The following FXYD3 variants were observed in gnomAD, a reference collection of about 807,000 sequenced individuals.
The protein encoded by FXYD3 is FXYD domain containing ion transport regulator 3, also known as FXYD domain-containing ion transport regulator 3.
FXYD3 carries 13 observed loss-of-function variants against 19.2 expected under a neutral mutation model. That is an observed-to-expected ratio of 0.68 (90% CI 0.44 to 1.08). The LOEUF is 1.08. Ranked by LOEUF, FXYD3 falls within the 50% of genes least tolerant of loss-of-function variation. The pLI is 0.00. For missense variants in FXYD3, 101 were observed against 109.4 expected, an observed-to-expected ratio of 0.92 and a Z score of 0.34; for synonymous variants, 48 against 38.9, an observed-to-expected ratio of 1.23 and a Z score of -0.87.
intron 2 of FXYD3, chr19:35,117,004 G>T (rs2064904851): frequency 1.0e-6 from 1 of 985,280 alleles, no homozygotes; most frequent in Admixed American, 6.1e-5. Flanking sequence ...GGAATAGAGG[G>T]GATAGCAGAG....
rs558294811 is a variant in FXYD3 at position 35,121,254 on chromosome 19, C to T, written c.97+9C>T. 5.8e-5 allele frequency: 94 copies of T among 1,613,924 alleles called. No individual in the cohort carries two copies. In the Admixed American group the frequency reaches 1.4e-3, roughly 25 times the overall value. On this transcript the variant is annotated intron_variant, in intron 5 of 8. Transcript: ENST00000604404. ...CAGTCCTTTCTACTATGGTGAGAGC[C>T]CGTGCCCCCTTTCCCCTCCCCACAA...
chr19:35,123,295 T>G lies in FXYD3; in HGVS notation c.234T>G (p.Pro78=). The change falls in exon 8 of 9, where the codon CCT becomes CCG. Residue 78 remains proline, a synonymous_variant. Transcript: ENST00000604404. ...GTCACCATCCAGGGGAGACTCCACC[T>G]CTCATCACCCCAGGTAAGATGGGGC... ...KSGHHPGETP[P]LITPGSAQS 3 of 1,608,258 alleles carry G rather than the reference T, an allele frequency of 1.9e-6. No individual in the cohort carries two copies. The highest frequency in any genetic ancestry group is 2.5e-6 in the Non-Finnish European group (3 of 1,177,218).
chr19:35,117,413 G>A, intron 2 of FXYD3: 1 of 1,417,952 alleles, frequency 7.1e-7, no homozygotes, highest in Non-Finnish European at 9.2e-7. Flanking sequence ...AGAGCATAGG[G>A]CTTTAAGATG....
intron 5 of FXYD3, chr19:35,121,643 C>T (rs2065046591): frequency 1.2e-6 from 1 of 815,766 alleles, no homozygotes; most frequent in Non-Finnish European, 1.7e-6. Context: ...CCACGCTCCT[C>T]ATTCCTTCTG....
chr19:35,123,431 C>A lies in FXYD3; in HGVS notation c.248-10C>A. ...CCACCCTCACAAACGGACCCCATCA[C>A]TTCCCGCAGGCTCAGCCCAAAGCTG... On this transcript the variant is annotated splice_polypyrimidine_tract_variant and intron_variant, in intron 8 of 8. Coordinates refer to ENST00000604404, the MANE Select transcript of FXYD3 (RefSeq NM_005971.4). 3.1e-6 allele frequency: 5 copies of A among 1,614,022 alleles called. No homozygotes were observed. The South Asian group carries it at 5.5e-5, about 18-fold the overall frequency.
chr19:35,123,921 T>G lies in FXYD3; in HGVS notation c.*464T>G, dbSNP rs1418335942. On this transcript the variant is annotated 3_prime_UTR_variant, in exon 9 of 9. Coordinates refer to ENST00000604404, the MANE Select transcript of FXYD3 (RefSeq NM_005971.4). ...CTAACCAGATGGAACACTGGAACATTCCAGTGGACCCTGGACCATTCCAGG... is the reference window on the plus strand; with the variant it reads ...CTAACCAGATGGAACACTGGAACATGCCAGTGGACCCTGGACCATTCCAGG... 1 of 204,114 alleles carries G rather than the reference T, an allele frequency of 4.9e-6. No homozygotes were observed. Among genetic ancestry groups the G allele is most frequent in the African/African-American group, 2.3e-5 (1 of 43,306 alleles). The allele number at this position is 204,114 out of a possible 1,614,324, so 12.6% of individuals were successfully genotyped here.
chr19:35,119,703 C>A lies in FXYD3; in HGVS notation c.40+287C>A, dbSNP rs1600448324. 4 of 495,754 alleles carry A rather than the reference C, an allele frequency of 8.1e-6. No homozygotes were observed. The East Asian group carries it at 1.4e-4, about 18-fold the overall frequency. 30.7% of individuals were successfully genotyped at this position (495,754 alleles called of 1,614,324 possible). A position where few individuals can be genotyped will look rare whatever the true frequency, so the allele number is the denominator to read the frequency against. On this transcript the variant is annotated intron_variant, in intron 3 of 8. Coordinates refer to ENST00000604404, the MANE Select transcript of FXYD3 (RefSeq NM_005971.4). ...TTTGTTTTTGTTTTTGAAAGGGAGTCTCTGTTGCTCAGGCTGGAGTGCAAT... is the reference window on the plus strand; with the variant it reads ...TTTGTTTTTGTTTTTGAAAGGGAGTATCTGTTGCTCAGGCTGGAGTGCAAT...
At position 35,122,847 on chromosome 19, in the gene FXYD3, G is replaced by A. The variant is rs1212590771; in HGVS notation, c.172+8G>A. 4 of 1,613,818 alleles carry A rather than the reference G, an allele frequency of 2.5e-6. No individual in the cohort carries two copies. In the Admixed American group the frequency reaches 5.0e-5, roughly 20 times the overall value. On this transcript the variant is annotated splice_region_variant and intron_variant, in intron 6 of 8. Coordinates refer to ENST00000604404, the MANE Select transcript of FXYD3 (RefSeq NM_005971.4). ...GCATCATCATCGTCATGAGTGAGTGGAGGAGCTCGGGGGAGCAGGCGGGCC... is the reference window on the plus strand; with the variant it reads ...GCATCATCATCGTCATGAGTGAGTGAAGGAGCTCGGGGGAGCAGGCGGGCC...
At chr19:35,123,082 G>C in intron 7 of FXYD3, 128 bp downstream of exon 7, 1 of 1,458,874 alleles carries the variant, frequency 6.9e-7, no homozygotes. Flanking sequence ...AAGATTTCCA[G>C]GTTTATTGTT....
chr19:35,119,171 C>T lies in FXYD3; in HGVS notation c.-14-192C>T, dbSNP rs369284559. On this transcript the variant is annotated intron_variant, in intron 2 of 8. Coordinates refer to ENST00000604404, the MANE Select transcript of FXYD3 (RefSeq NM_005971.4). ...ATTATGGCTCCTCCCGCCTCAGGCC[C>T]GAGTTTCACCCAGTCCCCACTCCAC... The T allele has an allele frequency of 6.3e-5, 98 of 1,554,034 alleles. No homozygotes were observed. The African/African-American group carries it at 9.0e-4, about 14-fold the overall frequency.
intron 2 of FXYD3, chr19:35,118,649 G>C: frequency 1.1e-6 from 1 of 900,660 alleles, no homozygotes; most frequent in Non-Finnish European, 1.3e-6. Context: ...AGCCAGGGCT[G>C]GGACCGGGAA....
Position 35,122,928 on chromosome 19 carries a change from C to CAAAT in FXYD3, c.184_187dup (p.Cys63Ter). ...AGCTCTCCCCAACAGGTGCAAAATGCAAATGCAAGTTTGGCCAGAAGTCCG... is the reference window on the plus strand; with the variant it reads ...AGCTCTCCCCAACAGGTGCAAAATGCAAATAAATGCAAGTTTGGCCAGAAGTCCG... On this transcript the variant is annotated frameshift_variant, in exon 7 of 9. Transcript: ENST00000604404. LOFTEE classifies it high-confidence loss of function. The CAAAT allele has an allele frequency of 6.2e-7, 1 of 1,606,968 alleles. No individual in the cohort carries two copies. The highest frequency in any genetic ancestry group is 8.5e-7 in the Non-Finnish European group (1 of 1,175,948).
chr19:35,120,958 C>A, intron 3 of FXYD3, 120 bp from the exon 4 acceptor site: 2 of 1,024,570 alleles, frequency 2.0e-6, no homozygotes, highest in Non-Finnish European at 2.9e-6. Flanking sequence ...TGCTCAGTGA[C>A]AGGACCCCTG....
chr19:35,122,774 GCCT>G lies in FXYD3; in HGVS notation c.110_112del (p.Leu37del). 6.2e-7 allele frequency: 1 copy of G among 1,613,360 alleles called. No homozygotes were observed. The highest frequency in any genetic ancestry group is 1.7e-5 in the Admixed American group (1 of 60,018). On this transcript the variant is annotated inframe_deletion, in exon 6 of 9. Coordinates refer to ENST00000604404, the MANE Select transcript of FXYD3 (RefSeq NM_005971.4). ...TCCACTTTCCTCCTAGACTGGCACAGCCTCCAGGTTGGCGGGCTCATCTGCGCT... is the reference window on the plus strand; with the variant it reads ...TCCACTTTCCTCCTAGACTGGCACAGCCAGGTTGGCGGGCTCATCTGCGCT...
intron 2 of FXYD3, chr19:35,118,736 T>C: frequency 3.7e-6 from 1 of 267,738 alleles, no homozygotes; most frequent in Non-Finnish European, 6.4e-6. Context: ...GGAGGTAGAG[T>C]CCCCCTCTAC....
Position 35,122,945 on chromosome 19 carries a change from A to G in FXYD3, c.200A>G (p.Gln67Arg), listed in dbSNP as rs2065078679. 6.2e-7 allele frequency: 1 copy of G among 1,600,056 alleles called. No homozygotes were observed. The highest frequency in any genetic ancestry group is 1.7e-5 in the Admixed American group (1 of 58,774). The change falls in exon 7 of 9, where the codon CAG (glutamine) becomes CGG (arginine). Residue 67 changes from glutamine (Q) to arginine (R), a missense_variant. By Grantham distance (43) the Gln-to-Arg change is conservative. Coordinates refer to ENST00000604404, the MANE Select transcript of FXYD3 (RefSeq NM_005971.4). ...GCAAAATGCAAATGCAAGTTTGGCCAGAAGTCCGGGTAAGATACTGTTCCG... is the reference window on the plus strand; with the variant it reads ...GCAAAATGCAAATGCAAGTTTGGCCGGAAGTCCGGGTAAGATACTGTTCCG... ...MSAKCKCKFG[Q>R]KSGHHPGETP... is the part of the protein sequence containing the mutation.
chr19:35,116,994 G>A, intron 2 of FXYD3: 1 of 985,372 alleles, frequency 1.0e-6, no homozygotes, highest in Non-Finnish European at 1.2e-6. Context: ...ATGGTATGGA[G>A]GAATAGAGGG....
rs1474473519 is a variant in FXYD3 at position 35,119,422 on chromosome 19, T to C, written c.40+6T>C. Reference sequence around the variant, plus strand: ...CCTGCTTGTGTTCCTGGCAGGTGAGTACCCATCCCCCGTCTGCCTTTTCCT... The same window carrying C: ...CCTGCTTGTGTTCCTGGCAGGTGAGCACCCATCCCCCGTCTGCCTTTTCCT... On this transcript the variant is annotated splice_donor_region_variant and intron_variant, in intron 3 of 8. Transcript: ENST00000604404. The C allele has an allele frequency of 1.2e-6, 2 of 1,613,280 alleles. No homozygotes were observed. The highest frequency in any genetic ancestry group is 1.7e-6 in the Non-Finnish European group (2 of 1,179,388).
chr19:35,121,884 G>T (rs1441342627), intron 5 of FXYD3: 2 of 154,130 alleles, frequency 1.3e-5, no homozygotes, highest in Non-Finnish European at 2.9e-5. Context: ...AAGCTGGAGT[G>T]CTGTGGTGTA....
Sources: gnomAD v4.1 joint callset for allele counts on GRCh38, gnomAD v4.1.1 for gene constraint, MANE v1.5 for transcripts, NCBI Gene and HGNC (gene_info 2026-07-23, HGNC 2026-07-21) for gene names.